SYT14: variants seen among roughly 807,000 people sequenced by gnomAD.
SYT14 encodes the protein synaptotagmin-14.
Under a neutral mutation model 74.2 loss-of-function variants are expected in SYT14, and 32 were observed. The observed-to-expected ratio is 0.43, with a 90% CI of 0.33 to 0.58. SYT14 has a LOEUF of 0.58. SYT14 is among the 20% of genes least tolerant of loss of function. The pLI, the probability that SYT14 is intolerant of heterozygous loss-of-function variation, is 0.05. For missense variants in SYT14, 791 were observed against 981.8 expected, an observed-to-expected ratio of 0.81 and a Z score of 2.60; for synonymous variants, 298 against 337.7, an observed-to-expected ratio of 0.88 and a Z score of 1.29.
chr1:210,014,076 C>T (rs2080138590), intron 3 of SYT14, among the ~76,000 whole-genome samples: 1 of 152,076 alleles, frequency 6.6e-6, no homozygotes, highest in Non-Finnish European at 1.5e-5. Context: ...AGCAGATACA[C>T]TTGAGGAAGA....
intron 7 of SYT14, among the ~76,000 whole-genome samples, chr1:210,128,750 A>G (rs1201490935): frequency 6.6e-6 from 1 of 152,220 alleles, no homozygotes; most frequent in African/African-American, 2.4e-5. Flanking sequence ...CCACTAAATC[A>G]GAATCACTGG....
chr1:210,011,385 GA>G (rs1035374800), intron 2 of SYT14, among the ~76,000 whole-genome samples: 4 of 152,098 alleles, frequency 2.6e-5, no homozygotes, highest in African/African-American at 9.7e-5. Context: ...TCAGCCTGAG[GA>G]CAAGACAGGC....
chr1:210,120,395 A>ATTTTTTTTTTTT, intron 7 of SYT14, among the ~76,000 whole-genome samples: 1 of 147,264 alleles, frequency 6.8e-6, no homozygotes. Context: ...AGATAGGGTC[A>ATTTTTTTTTTTT]CTCTGTTAGG....
At chr1:209,938,995 T>C (rs1009167513) in intron 1 of SYT14, among the ~76,000 whole-genome samples, 1 of 152,334 alleles carries the variant, frequency 6.6e-6, no homozygotes, top group Non-Finnish European at 1.5e-5. Context: ...TGAAGTGTTA[T>C]AGTGCCACAA....
intron 7 of SYT14, among the ~76,000 whole-genome samples, chr1:210,129,012 C>T (rs923560): frequency 6.6e-6 from 1 of 151,532 alleles, no homozygotes; most frequent in African/African-American, 2.4e-5. Context: ...CCTTAGGTAT[C>T]CAAAAAAATA....
At chr1:210,165,089 A>C (rs2083441907) in exon 10 of SYT14, 1 of 152,172 alleles carries the variant, frequency 6.6e-6, no homozygotes, top group South Asian at 2.1e-4. Flanking sequence ...CATTTTATTG[A>C]TAAAGAAACT....
chr1:210,018,299 AG>A (rs2080229917), intron 4 of SYT14, among the ~76,000 whole-genome samples: 2 of 151,940 alleles, frequency 1.3e-5, no homozygotes, highest in Admixed American at 1.3e-4. Context: ...ACGCCCAGCT[AG>A]TTTTTGTCTT....
intron 2 of SYT14, among the ~76,000 whole-genome samples, chr1:210,012,496 C>T (rs1265456374): frequency 6.6e-6 from 1 of 151,914 alleles, no homozygotes; most frequent in Non-Finnish European, 1.5e-5. Flanking sequence ...TTGAATATTG[C>T]GGATTCTGAG....
At chr1:210,137,139 AC>A (rs1189072875) in intron 7 of SYT14, among the ~76,000 whole-genome samples, 1 of 152,178 alleles carries the variant, frequency 6.6e-6, no homozygotes. Flanking sequence ...GAAGGGACTT[AC>A]CCAATTTTGT....
intron 2 of SYT14, among the ~76,000 whole-genome samples, chr1:209,955,324 A>T (rs923821500): frequency 2.6e-5 from 4 of 152,130 alleles, no homozygotes; most frequent in African/African-American, 9.7e-5. Flanking sequence ...CTGAGCCTAT[A>T]CCTTCCTCAG....
In SYT14 at chr1:210,155,915, G is replaced by A; in HGVS notation, c.2224+5G>A. Reference sequence around the variant, plus strand: ...TGGCAGCAAACAGACCACCCAGTGAGTGAAAAATAATTTTTTTAATTCTAA... The same window carrying A: ...TGGCAGCAAACAGACCACCCAGTGAATGAAAAATAATTTTTTTAATTCTAA... On this transcript the variant is annotated splice_donor_5th_base_variant and intron_variant, in intron 8 of 9. Coordinates refer to ENST00000637265, the Ensembl canonical transcript of SYT14. 6.2e-7 allele frequency: 1 copy of A among 1,613,930 alleles called. No individual in the cohort carries two copies. The highest frequency in any genetic ancestry group is 8.5e-7 in the Non-Finnish European group (1 of 1,179,884).
intron 2 of SYT14, among the ~76,000 whole-genome samples, chr1:209,991,701 G>A (rs571934374): frequency 2.0e-5 from 3 of 152,194 alleles, no homozygotes; most frequent in South Asian, 2.1e-4. Flanking sequence ...GTGGTGGTGT[G>A]TGCCTGTGGT....
chr1:209,993,005 C>G (rs964528732), intron 2 of SYT14, among the ~76,000 whole-genome samples: 1 of 152,146 alleles, frequency 6.6e-6, no homozygotes, highest in Admixed American at 6.5e-5. Flanking sequence ...CCACTGACCC[C>G]TAGGATCCTA....
chr1:209,938,319 C>A, intron 1 of SYT14, 42 bp downstream of exon 1: 1 of 1,538,884 alleles, frequency 6.5e-7, no homozygotes, highest in Non-Finnish European at 8.8e-7. Context: ...CCGGGACCAC[C>A]CAGCTGGCGG....
intron 5 of SYT14, among the ~76,000 whole-genome samples, chr1:210,090,426 G>A (rs561945666): frequency 2.4e-4 from 36 of 149,752 alleles, no homozygotes; most frequent in African/African-American, 8.6e-4. Flanking sequence ...TTAGAGCTGT[G>A]GTTCTCACCA....
chr1:209,960,723 C>A (rs1185878277), intron 2 of SYT14, among the ~76,000 whole-genome samples: 1 of 152,110 alleles, frequency 6.6e-6, no homozygotes, highest in Non-Finnish European at 1.5e-5. Context: ...TGTAACTCAT[C>A]TGAGAGCAAA....
chr1:210,153,801 A>G (rs116506083), intron 7 of SYT14, among the ~76,000 whole-genome samples: 4,062 of 152,304 alleles, frequency 0.027, 122 homozygotes, highest in Non-Finnish European at 0.034. Flanking sequence ...GTTGACTAAA[A>G]GTAGTAATAG....
chr1:210,103,101 G>T (rs2082097700), intron 7 of SYT14, among the ~76,000 whole-genome samples: 1 of 151,818 alleles, frequency 6.6e-6, no homozygotes, highest in Admixed American at 6.6e-5. Context: ...TAAACTTACA[G>T]TTTTTTTCAT....
At chr1:210,089,987 G>A (rs2081831538) in intron 5 of SYT14, among the ~76,000 whole-genome samples, 1 of 152,140 alleles carries the variant, frequency 6.6e-6, no homozygotes, top group African/African-American at 2.4e-5. Flanking sequence ...AATGAAGGAC[G>A]GGCCTGTGAC....
Sources: allele counts gnomAD v4.1 joint callset (sites outside exome capture counted in the v4.1 genomes callset), GRCh38; gene constraint gnomAD v4.1.1; transcripts MANE v1.5; gene names NCBI Gene and HGNC (gene_info 2026-07-23, HGNC 2026-07-21).